The following MMP26 variants were observed in gnomAD, a reference collection of about 807,000 sequenced individuals.
MMP26 encodes the protein matrix metalloproteinase-26.
Under a neutral mutation model 31.0 loss-of-function variants are expected in MMP26, and 33 were observed. The ratio of observed to expected loss-of-function variants is 1.06; its 90% confidence interval spans 0.81 to 1.42. MMP26 has a LOEUF of 1.42. Ranked by LOEUF, MMP26 falls within the 40% of genes most tolerant of loss-of-function variation. The probability of loss-of-function intolerance (pLI) is 0.00; values close to 1 mark genes in which losing one functional copy is unlikely to be tolerated. For missense variants in MMP26, 347 were observed against 316.1 expected, an observed-to-expected ratio of 1.10 and a Z score of -0.74; for synonymous variants, 122 against 114.9, an observed-to-expected ratio of 1.06 and a Z score of -0.40.
At chr11:4,946,720 G>A in intron 2 of MMP26, 1 of 1,589,660 alleles carries the variant, frequency 6.3e-7, no homozygotes, top group Non-Finnish European at 8.6e-7. Flanking sequence ...GGTTGTGGAT[G>A]GCTAGGAATC....
At chr11:4,760,683 G>T (rs1848560050) in intron 1 of MMP26, among the ~76,000 whole-genome samples, 1 of 152,148 alleles carries the variant, frequency 6.6e-6, no homozygotes, top group Non-Finnish European at 1.5e-5. Context: ...AGATTTCATG[G>T]AGCCAGTGTG....
chr11:4,875,491 G>C (rs568803550), intron 2 of MMP26: 4 of 152,146 alleles, frequency 2.6e-5, no homozygotes, highest in Non-Finnish European at 4.4e-5. Flanking sequence ...ATATTTTCTG[G>C]AGACTTAGGG....
At chr11:4,777,632 C>T (rs1246966014) in intron 2 of MMP26, among the ~76,000 whole-genome samples, 1 of 152,084 alleles carries the variant, frequency 6.6e-6, no homozygotes, top group Non-Finnish European at 1.5e-5. Flanking sequence ...ATTCCTTTCT[C>T]CTCAAAGGTG....
intron 2 of MMP26, chr11:4,849,205 A>T (rs1266910260): frequency 6.2e-7 from 1 of 1,607,202 alleles, no homozygotes; most frequent in South Asian, 1.1e-5. Flanking sequence ...GGTAATGTTG[A>T]CATAGTTCAG....
intron 2 of MMP26, among the ~76,000 whole-genome samples, chr11:4,978,554 G>A (rs149440919): frequency 6.6e-6 from 1 of 151,940 alleles, no homozygotes; most frequent in Non-Finnish European, 1.5e-5. Flanking sequence ...TCTCAGAGTG[G>A]GTAAATGGAA....
rs1846932878 is a variant in MMP26 at position 4,988,150 on chromosome 11, A to G, written c.-62A>G. The G allele has an allele frequency of 7.0e-7, 1 of 1,437,378 alleles. No individual in the cohort carries two copies. Among genetic ancestry groups the G allele is most frequent in the South Asian group, 1.1e-5 (1 of 87,414 alleles). The allele number at this position is 1,437,378 out of a possible 1,614,324, so 89.0% of individuals were successfully genotyped here. The stretch of plus-strand genomic sequence containing the variant: ...CATTGGATGTTGCTGGCACAGCTAT[A>G]AAGATCCAGTGGCCCAAGTTGTGTA... On this transcript the variant is annotated 5_prime_UTR_variant, in exon 3 of 8. It adds an upstream start codon to the 5' untranslated region. Transcript: ENST00000380390.
At chr11:4,767,107 C>T (rs1848642335) in intron 1 of MMP26, among the ~76,000 whole-genome samples, 163 bp from the exon 2 acceptor site, 1 of 152,006 alleles carries the variant, frequency 6.6e-6, no homozygotes, top group African/African-American at 2.4e-5. Context: ...ATTTTATAAT[C>T]TATGTTCACC....
chr11:4,874,981 C>G (rs575454457), intron 2 of MMP26, among the ~76,000 whole-genome samples: 1 of 152,178 alleles, frequency 6.6e-6, no homozygotes, highest in African/African-American at 2.4e-5. Context: ...AATGGGTCTT[C>G]TCTATGGAGA....
At chr11:4,939,960 G>T (rs1373124762) in intron 2 of MMP26, among the ~76,000 whole-genome samples, 4 of 152,056 alleles carry the variant, frequency 2.6e-5, no homozygotes, top group African/African-American at 9.7e-5. Context: ...GTGGCCATTT[G>T]TGTTCTGGCA....
At chr11:4,944,043 A>G in intron 2 of MMP26, 1 of 433,340 alleles carries the variant, frequency 2.3e-6, no homozygotes, top group Non-Finnish European at 4.6e-6. Flanking sequence ...TATTTCTTTC[A>G]ATTAATAAAA....
At chr11:4,751,352 C>G (rs1848444620) in intron 1 of MMP26, among the ~76,000 whole-genome samples, 1 of 151,918 alleles carries the variant, frequency 6.6e-6, no homozygotes, top group Admixed American at 6.6e-5. Flanking sequence ...CTGATATGAA[C>G]AAAGCAATAT....
chr11:4,990,533 C>A, intron 4 of MMP26, 65 bp from the exon 5 acceptor site: 1 of 1,423,432 alleles, frequency 7.0e-7, no homozygotes, highest in Non-Finnish European at 9.5e-7. Flanking sequence ...TAGAATTATT[C>A]ATGTTTAGAG....
chr11:4,944,941 A>G (rs1171400378), intron 2 of MMP26: 2 of 152,176 alleles, frequency 1.3e-5, no homozygotes, highest in Non-Finnish European at 2.9e-5. Context: ...ATTCATTAGC[A>G]ATTATTTATT....
At chr11:4,898,878 C>A (rs572527028) in intron 2 of MMP26, among the ~76,000 whole-genome samples, 2 of 139,432 alleles carry the variant, frequency 1.4e-5, no homozygotes, top group Admixed American at 7.2e-5. Flanking sequence ...TGTGTGTGTT[C>A]TTTCAAGAAA....
At position 4,727,180 on chromosome 11, in the gene MMP26, A is replaced by G. The variant is rs1416437382; in HGVS notation, c.-217+22135A>G. Among the ~76,000 whole-genome samples the G allele has an allele frequency of 6.6e-5, 10 of 152,238 alleles. No individual in the cohort carries two copies. The East Asian group carries it at 1.9e-3, about 29-fold the overall frequency. On this transcript the variant is annotated intron_variant, in intron 1 of 7. Coordinates refer to ENST00000380390, the MANE Select transcript of MMP26 (RefSeq NM_021801.5). ...AAAAGGAGTGAGGGTTAAAAAACAAATAAGAAAATAAAAACAAAAACAAAA... is the reference window on the plus strand; with the variant it reads ...AAAAGGAGTGAGGGTTAAAAAACAAGTAAGAAAATAAAAACAAAAACAAAA...
chr11:4,846,248 C>T (rs745369062), intron 2 of MMP26, among the ~76,000 whole-genome samples: 3 of 152,042 alleles, frequency 2.0e-5, no homozygotes, highest in Non-Finnish European at 4.4e-5. Context: ...CTATCATTTG[C>T]AACAGTATGG....
rs190589206 is a variant in MMP26, at chr11:4,716,823, G to A, written c.-217+11778G>A. ...ATTACACGTGTGTGCCAACATGCCTGGCTAATGTTTTGTATTTTTAGTAGA... is the reference window on the plus strand; with the variant it reads ...ATTACACGTGTGTGCCAACATGCCTAGCTAATGTTTTGTATTTTTAGTAGA... On this transcript the variant is annotated intron_variant, in intron 1 of 7. Transcript: ENST00000380390. Among the ~76,000 whole-genome samples, 106 of 151,776 alleles carry A rather than the reference G, an allele frequency of 7.0e-4. 2 individuals carry two copies. The highest frequency in any genetic ancestry group is 2.1e-3 in the African/African-American group (85 of 41,394).
At position 4,917,786 on chromosome 11, in the gene MMP26, C is replaced by G. The variant is rs7109775; in HGVS notation, c.-144-70282C>G. On this transcript the variant is annotated intron_variant, in intron 2 of 7. Transcript: ENST00000380390. Reference sequence around the variant, plus strand: ...GGTTTTATTGTTTTGATGTAATAGTCTCTAATTGTTCAGTGTTTTCATTGC... The same window carrying G: ...GGTTTTATTGTTTTGATGTAATAGTGTCTAATTGTTCAGTGTTTTCATTGC... Among the ~76,000 whole-genome samples, 844 of 152,066 alleles carry G rather than the reference C, an allele frequency of 5.6e-3. 11 individuals carry two copies. The highest frequency in any genetic ancestry group is 0.02 in the African/African-American group (819 of 41,508).
rs1221716350 is a variant in MMP26 at position 4,725,717 on chromosome 11, G to C, written c.-217+20672G>C. Reference sequence around the variant, plus strand: ...CAGAGATATAATGGCTCCCTTCAGAGAGATCTGAGGTGGACAGTGAGTGCA... The same window carrying C: ...CAGAGATATAATGGCTCCCTTCAGACAGATCTGAGGTGGACAGTGAGTGCA... On this transcript the variant is annotated intron_variant, in intron 1 of 7. Transcript: ENST00000380390. Among the ~76,000 whole-genome samples, 6 of 152,216 alleles carry C rather than the reference G, an allele frequency of 3.9e-5. No individual in the cohort carries two copies. The East Asian group carries it at 1.2e-3, about 29-fold the overall frequency.
Sources: allele counts gnomAD v4.1 joint callset (sites outside exome capture counted in the v4.1 genomes callset), GRCh38; gene constraint gnomAD v4.1.1; transcripts MANE v1.5; gene names NCBI Gene and HGNC (gene_info 2026-07-23, HGNC 2026-07-21).